Variants in CHRM3 observed in about 807,000 individuals in gnomAD.
CHRM3 encodes cholinergic receptor muscarinic 3.
Under a neutral mutation model 41.8 loss-of-function variants are expected in CHRM3, and 11 were observed. That is an observed-to-expected ratio of 0.26 (90% CI 0.17 to 0.44). The LOEUF (loss-of-function observed/expected upper bound fraction) is 0.44, where lower values mean the gene tolerates loss of function less well. Ranked by LOEUF, CHRM3 falls within the 20% of genes least tolerant of loss-of-function variation. The pLI, the probability that CHRM3 is intolerant of heterozygous loss-of-function variation, is 1.00. For missense variants in CHRM3, 571 were observed against 745.4 expected (o/e 0.77, Z 2.72); for synonymous variants, 297 against 301.4 (o/e 0.99, Z 0.15).
chr1:239,890,496 C>A (rs575054526), intron 6 of CHRM3, among the ~76,000 whole-genome samples: 2 of 152,140 alleles, frequency 1.3e-5, no homozygotes, highest in Admixed American at 6.5e-5. Flanking sequence ...CTCATACATA[C>A]AATATTGAGA....
chr1:239,888,643 T>A (rs1572601849), intron 6 of CHRM3, among the ~76,000 whole-genome samples: 2 of 150,310 alleles, frequency 1.3e-5, no homozygotes, highest in African/African-American at 4.9e-5. Context: ...CTGAATTAGG[T>A]GGGATCATGT....
intron 6 of CHRM3, among the ~76,000 whole-genome samples, chr1:239,832,768 A>T (rs1226707485): frequency 6.6e-6 from 1 of 152,120 alleles, no homozygotes; most frequent in East Asian, 1.9e-4. Flanking sequence ...GTTTGTGATA[A>T]AGGATTCATT....
intron 5 of CHRM3, among the ~76,000 whole-genome samples, chr1:239,811,034 T>C (rs1345703459): frequency 6.6e-6 from 1 of 152,168 alleles, no homozygotes; most frequent in African/African-American, 2.4e-5. Context: ...ATTAAACATA[T>C]ATGTGTGAAT....
intron 5 of CHRM3, among the ~76,000 whole-genome samples, chr1:239,678,771 A>G (rs894626710): frequency 1.3e-5 from 2 of 152,198 alleles, no homozygotes; most frequent in Admixed American, 6.5e-5. Flanking sequence ...AATTAATAGA[A>G]TTAGATCAAT....
At chr1:239,429,783 G>GTT (rs58638166) in intron 1 of CHRM3, among the ~76,000 whole-genome samples, 8 of 132,876 alleles carry the variant, frequency 6.0e-5, no homozygotes, top group East Asian at 2.3e-4. Flanking sequence ...CTCGTAGGGA[G>GTT]TTTTTTTTTT....
Position 239,472,058 on chromosome 1 carries a change from T to C in CHRM3, c.-520-20651T>C, listed in dbSNP as rs148529320. On this transcript the variant is annotated intron_variant, in intron 1 of 6. Coordinates refer to ENST00000676153, the MANE Select transcript of CHRM3 (RefSeq NM_001375978.1). ...ATATTCAGCAGAAAACTTCCTGGCA[T>C]TCCATGCATTTATTATGTGATGTCC... Among the ~76,000 whole-genome samples the C allele has an allele frequency of 6.6e-3, 1,009 of 152,300 alleles. 15 individuals carry two copies. The highest frequency in any genetic ancestry group is 0.023 in the African/African-American group (939 of 41,558).
chr1:239,897,498 T>G (rs1679108451), intron 6 of CHRM3, among the ~76,000 whole-genome samples: 1 of 152,228 alleles, frequency 6.6e-6, no homozygotes, highest in Non-Finnish European at 1.5e-5. Context: ...CAGCTGGTAT[T>G]TTAAAAGCAC....
intron 1 of CHRM3, among the ~76,000 whole-genome samples, chr1:239,474,439 A>G (rs1452586867): frequency 3.3e-5 from 5 of 152,068 alleles, no homozygotes; most frequent in Non-Finnish European, 7.4e-5. Context: ...ATGTATATCT[A>G]TATATTTTGA....
At position 239,879,968 on chromosome 1, in the gene CHRM3, G is replaced by C. The variant is rs558313965; in HGVS notation, c.-19-27465G>C. Among the ~76,000 whole-genome samples the C allele has an allele frequency of 3.9e-4, 60 of 152,316 alleles. 1 individual carries two copies. The highest frequency in any genetic ancestry group is 6.8e-3 in the Middle Eastern group (2 of 294). ...TTCCAGTGAGTTTGTTACCCAGCCA[G>C]GCTTGTTCTGCCTGTCACACAGTAT... On this transcript the variant is annotated intron_variant, in intron 6 of 6. Coordinates refer to ENST00000676153, the MANE Select transcript of CHRM3 (RefSeq NM_001375978.1).
intron 4 of CHRM3, among the ~76,000 whole-genome samples, chr1:239,669,289 G>A (rs1674126493): frequency 6.6e-6 from 1 of 152,074 alleles, no homozygotes; most frequent in African/African-American, 2.4e-5. Context: ...CTTTGTCTTT[G>A]TTATGTGAAT....
intron 6 of CHRM3, among the ~76,000 whole-genome samples, chr1:239,841,973 G>T (rs1558170591): frequency 1.3e-5 from 2 of 152,056 alleles, no homozygotes; most frequent in Non-Finnish European, 2.9e-5. Flanking sequence ...GGTGTAGGGG[G>T]GACGCCTATA....
intron 3 of CHRM3, among the ~76,000 whole-genome samples, chr1:239,583,573 G>A (rs915535245): frequency 2.0e-5 from 3 of 151,938 alleles, no homozygotes; most frequent in Non-Finnish European, 4.4e-5. Flanking sequence ...TATTCTTGCT[G>A]GTTAGTTACT....
chr1:239,636,597 A>G (rs1573050150), intron 4 of CHRM3, among the ~76,000 whole-genome samples: 6 of 152,268 alleles, frequency 3.9e-5, no homozygotes, highest in Middle Eastern at 6.8e-3. Flanking sequence ...TAAAATATTT[A>G]CATTCTGATT....
intron 4 of CHRM3, among the ~76,000 whole-genome samples, chr1:239,674,825 T>C (rs1657821522): frequency 6.6e-6 from 1 of 152,090 alleles, no homozygotes; most frequent in South Asian, 2.1e-4. Flanking sequence ...ACAAAAATAA[T>C]TTTTTCAATG....
chr1:239,560,822 C>A (rs1404544321), intron 3 of CHRM3, among the ~76,000 whole-genome samples: 1 of 152,082 alleles, frequency 6.6e-6, no homozygotes, highest in Non-Finnish European at 1.5e-5. Flanking sequence ...TACTTGAATG[C>A]CTAACAAGTG....
chr1:239,419,372 T>G (rs1003731700), intron 1 of CHRM3, among the ~76,000 whole-genome samples: 1 of 152,024 alleles, frequency 6.6e-6, no homozygotes, highest in Non-Finnish European at 1.5e-5. Context: ...CTTTTTTTTT[T>G]TTTTTTTAAA....
At chr1:239,479,190 C>CCACACACACA (rs56202845) in intron 1 of CHRM3, among the ~76,000 whole-genome samples, 2,986 of 139,914 alleles carry the variant, frequency 0.021, 57 homozygotes, top group African/African-American at 0.053. Context: ...TTTCAAAAAA[C>CCACACACACA]CACACACACA....
chr1:239,882,848 G>T (rs138828255), intron 6 of CHRM3, among the ~76,000 whole-genome samples: 340 of 152,332 alleles, frequency 2.2e-3, no homozygotes, highest in African/African-American at 7.7e-3. Flanking sequence ...CACACTGGCT[G>T]CCCAGCACGC....
chr1:239,591,509 A>G (rs374237747), intron 3 of CHRM3, among the ~76,000 whole-genome samples: 1 of 152,174 alleles, frequency 6.6e-6, no homozygotes, highest in Non-Finnish European at 1.5e-5. Flanking sequence ...TGCTAAAGCA[A>G]TGACTGCAGC....
Sources: allele counts gnomAD v4.1 joint callset (sites outside exome capture counted in the v4.1 genomes callset), GRCh38; gene constraint gnomAD v4.1.1; transcripts MANE v1.5; gene names NCBI Gene and HGNC (gene_info 2026-07-23, HGNC 2026-07-21).